Variants in ANKRD17 observed in about 807,000 individuals in gnomAD.
ANKRD17 encodes ankyrin repeat domain-containing protein 17.
In ANKRD17, 19 loss-of-function variants were observed where a neutral mutation model predicts 229.7. That is an observed-to-expected ratio of 0.08 (90% CI 0.06 to 0.12). ANKRD17 has a LOEUF of 0.12. Among genes scored for constraint, ANKRD17 ranks in the 10% least tolerant of loss-of-function variants. ANKRD17 has a pLI of 1.00. For synonymous variants in ANKRD17, 1,112 were observed against 1,146.1 expected (o/e 0.97, Z 0.60); for missense variants, 2,176 against 3,176.8 (o/e 0.68, Z 7.57).
chr4:73,251,247 G>T (rs1359501068), intron 1 of ANKRD17, among the ~76,000 whole-genome samples: 1 of 152,070 alleles, frequency 6.6e-6, no homozygotes, highest in Non-Finnish European at 1.5e-5. Context: ...GAAAATAACA[G>T]TTAACATTTC....
At chr4:73,253,957 G>GT (rs1745241261) in intron 1 of ANKRD17, among the ~76,000 whole-genome samples, 1 of 152,158 alleles carries the variant, frequency 6.6e-6, no homozygotes, top group South Asian at 2.1e-4. Context: ...AAAATGTTTT[G>GT]TTTTTTTCTA....
In ANKRD17 at chr4:73,098,191, T is replaced by C. The variant is rs1560513123; in HGVS notation, c.4903A>G (p.Ser1635Gly). The C allele has an allele frequency of 1.2e-6, 2 of 1,614,218 alleles. No individual in the cohort carries two copies. The highest frequency in any genetic ancestry group is 1.7e-6 in the Non-Finnish European group (2 of 1,180,040). The change falls in exon 26 of 34, where the codon AGT becomes GGT. Residue 1635 changes from serine to glycine, a missense_variant. Physicochemically the swap from Ser to Gly is moderately conservative, Grantham distance 56. Coordinates refer to ENST00000358602, the MANE Select transcript of ANKRD17 (RefSeq NM_032217.5). Reference sequence around the variant, plus strand: ...ACCACAGCTGGTGAATGATTGTCACTCTTACGACTGCTGTTGCTGTTACTA... The same window carrying C: ...ACCACAGCTGGTGAATGATTGTCACCCTTACGACTGCTGTTGCTGTTACTA... ...ESSNSNSSRK[S>G]DNHSPAVVTT...
At chr4:73,223,101 G>T (rs1742078476) in intron 1 of ANKRD17, 2 of 1,478,124 alleles carry the variant, frequency 1.4e-6, no homozygotes, top group Middle Eastern at 1.7e-4. Context: ...CTCTGTGTCA[G>T]CAAGGGAACA....
chr4:73,225,284 C>T (rs1467036036), intron 1 of ANKRD17, among the ~76,000 whole-genome samples: 1 of 152,140 alleles, frequency 6.6e-6, no homozygotes, highest in Non-Finnish European at 1.5e-5. Flanking sequence ...GTTCAAGGAA[C>T]GTATGCTGGA....
intron 24 of ANKRD17, among the ~76,000 whole-genome samples, chr4:73,110,905 A>T (rs1418353777): frequency 2.0e-5 from 3 of 152,238 alleles, no homozygotes; most frequent in Non-Finnish European, 4.4e-5. Context: ...ATATACAACG[A>T]TATTTAAAAG....
chr4:73,172,053 C>G (rs1399471376), intron 2 of ANKRD17, among the ~76,000 whole-genome samples: 2 of 152,098 alleles, frequency 1.3e-5, no homozygotes, highest in East Asian at 3.9e-4. Flanking sequence ...AGAAAGATAC[C>G]AATATTTAAG....
chr4:73,102,331 T>A (rs760434559), intron 25 of ANKRD17, 45 bp downstream of exon 25: 2 of 1,537,368 alleles, frequency 1.3e-6, no homozygotes, highest in African/African-American at 2.8e-5. Flanking sequence ...AATATAATTT[T>A]AACTAGAATA....
In ANKRD17 at chr4:73,146,745, A is replaced by T. The variant is rs13149759; in HGVS notation, c.1869+19T>A. On this transcript the variant is annotated intron_variant, in intron 10 of 33. Coordinates refer to ENST00000358602, the MANE Select transcript of ANKRD17 (RefSeq NM_032217.5). ...TTCTTATTGTTAAATATTAAGATTT[A>T]AAAAGTAACATAGCTTACCAGATCT... 629,534 of 1,518,758 alleles carry T rather than the reference A, an allele frequency of 0.41. 134,094 individuals are homozygous for T. Among genetic ancestry groups the T allele is most frequent in the South Asian group, 0.5 (38,595 of 77,886 alleles). 94.1% of individuals were successfully genotyped at this position (1,518,758 alleles called of 1,614,324 possible).
chr4:73,242,347 G>C (rs1019578319), intron 1 of ANKRD17, among the ~76,000 whole-genome samples: 1 of 151,760 alleles, frequency 6.6e-6, no homozygotes, highest in African/African-American at 2.4e-5. Context: ...AAAGTATAAT[G>C]GAATAAAATA....
chr4:73,162,087 C>G (rs936923071), intron 2 of ANKRD17, among the ~76,000 whole-genome samples: 15 of 149,682 alleles, frequency 1.0e-4, no homozygotes, highest in African/African-American at 3.4e-4. Context: ...GGGTCTTGCT[C>G]TGTTACCCAG....
intron 1 of ANKRD17, among the ~76,000 whole-genome samples, chr4:73,248,594 T>A (rs1316261399): frequency 6.6e-6 from 1 of 152,026 alleles, no homozygotes; most frequent in African/African-American, 2.4e-5. Flanking sequence ...GTGATAAAAC[T>A]ATTAGCTAAT....
At chr4:73,208,072 C>G (rs1413456927) in intron 1 of ANKRD17, among the ~76,000 whole-genome samples, 1 of 151,546 alleles carries the variant, frequency 6.6e-6, no homozygotes, top group Admixed American at 6.6e-5. Flanking sequence ...GCCTGTAGTC[C>G]CAGCTACTCC....
At chr4:73,167,172 G>C (rs1733345902) in intron 2 of ANKRD17, among the ~76,000 whole-genome samples, 1 of 152,116 alleles carries the variant, frequency 6.6e-6, no homozygotes, top group Non-Finnish European at 1.5e-5. Flanking sequence ...GTACACTGAA[G>C]GCTGCTGAAG....
At chr4:73,211,144 A>G (rs1422279149) in intron 1 of ANKRD17, among the ~76,000 whole-genome samples, 3 of 152,134 alleles carry the variant, frequency 2.0e-5, no homozygotes, top group African/African-American at 7.2e-5. Flanking sequence ...ACCATAAAAT[A>G]TTTTAAATGT....
chr4:73,209,625 A>G (rs902261066), intron 1 of ANKRD17, among the ~76,000 whole-genome samples: 1 of 150,492 alleles, frequency 6.6e-6, no homozygotes, highest in Non-Finnish European at 1.5e-5. Context: ...CGAGGCTTGC[A>G]TTTCCCTTAC....
At chr4:73,136,117 G>C (rs1310738840) in intron 15 of ANKRD17, among the ~76,000 whole-genome samples, 2 of 152,118 alleles carry the variant, frequency 1.3e-5, no homozygotes, top group Admixed American at 6.5e-5. Flanking sequence ...TGCTGGCATA[G>C]GATATACTGT....
At chr4:73,129,485 G>A (rs1727905066) in intron 16 of ANKRD17, among the ~76,000 whole-genome samples, 1 of 152,136 alleles carries the variant, frequency 6.6e-6, no homozygotes, top group African/African-American at 2.4e-5. Flanking sequence ...CAACACTTTG[G>A]GAGGCTGAGG....
At chr4:73,102,278 A>G in intron 25 of ANKRD17, 98 bp downstream of exon 25, 1 of 1,305,766 alleles carries the variant, frequency 7.7e-7, no homozygotes, top group Non-Finnish European at 1.0e-6. Flanking sequence ...TAAGGGGTTA[A>G]TAACTTGAAA....
chr4:73,191,596 C>T (rs1278320921), intron 1 of ANKRD17, among the ~76,000 whole-genome samples: 1 of 151,500 alleles, frequency 6.6e-6, no homozygotes, highest in African/African-American at 2.4e-5. Context: ...AAAAAACTGA[C>T]AGGCTAGGAG....
Sources: allele counts gnomAD v4.1 joint callset (sites outside exome capture counted in the v4.1 genomes callset), GRCh38; gene constraint gnomAD v4.1.1; transcripts MANE v1.5; gene names NCBI Gene and HGNC (gene_info 2026-07-23, HGNC 2026-07-21).